DMD: variants seen among roughly 807,000 people sequenced by gnomAD.
DMD encodes dystrophin.
A neutral mutation model predicts 330.1 loss-of-function variants in DMD; 63 were observed. The ratio of observed to expected loss-of-function variants is 0.19; its 90% CI spans 0.16 to 0.24. The LOEUF is 0.24. DMD is among the 10% of genes least tolerant of loss of function. DMD has a pLI of 1.00. For missense variants in DMD, 3,344 were observed against 2,684.1 expected, an observed-to-expected ratio of 1.25 and a Z score of -5.43; for synonymous variants, 1,223 against 959.8, an observed-to-expected ratio of 1.27 and a Z score of -5.07.
At chrX:31,938,304 C>T (rs1055659445) in intron 45 of DMD, among the ~76,000 whole-genome samples, 3 of 111,455 alleles carry the variant, frequency 2.7e-5, no homozygotes, top group African/African-American at 9.8e-5. Context: ...ATCACATACC[C>T]AAAGGTGACT....
chrX:31,375,497 G>A (rs2059839764), intron 60 of DMD, among the ~76,000 whole-genome samples: 1 of 111,424 alleles, frequency 9.0e-6, no homozygotes, highest in African/African-American at 3.3e-5. Context: ...GTTATTGAGA[G>A]TTGTGCTGGG....
At chrX:32,588,393 T>C (rs535936083) in intron 13 of DMD, among the ~76,000 whole-genome samples, 1 of 111,850 alleles carries the variant, frequency 8.9e-6, no homozygotes, top group African/African-American at 3.3e-5. Flanking sequence ...GCAGATCTTA[T>C]GAAGCAGAGT....
chrX:31,242,262 CAAAAAAAAAAA>C (rs72176984), intron 63 of DMD, among the ~76,000 whole-genome samples: 2,876 of 24,557 alleles, frequency 0.12, 122 homozygotes, highest in African/African-American at 0.27. Flanking sequence ...TCTCAAAAAG[CAAAAAAAAAAA>C]AAAAAAAAAA....
At position 33,010,023 on chromosome X, in the gene DMD, T is replaced by C. The variant is rs1258998874; in HGVS notation, c.93+10116A>G. 1.3e-4 allele frequency among the ~76,000 whole-genome samples: 6 copies of C among 45,047 alleles called. 1 individual carries two copies. Among genetic ancestry groups the C allele is most frequent in the South Asian group, 1.1e-3 (1 of 950 alleles). 39.1% of individuals were successfully genotyped at this position (45,047 alleles called of 115,157 possible). ...GTATGTATGTGTATATACACATATG[T>C]GTGTACATGTGTATATACACATGTG... is the stretch of plus-strand genomic sequence containing the variant. On this transcript the variant is annotated intron_variant, in intron 2 of 78. Transcript: ENST00000357033.
chrX:32,194,438 T>G (rs769045897), intron 44 of DMD, among the ~76,000 whole-genome samples: 2 of 112,279 alleles, frequency 1.8e-5, no homozygotes, highest in African/African-American at 6.5e-5. Context: ...TTCATGTAAA[T>G]ACCCATATTT....
rs753948280 is a variant in DMD, at chrX:32,614,201, T to C, written c.1482+102A>G. 20 of 872,607 alleles carry C rather than the reference T, an allele frequency of 2.3e-5. No homozygotes were observed. The African/African-American group carries it at 4.1e-4, about 18-fold the overall frequency. The allele number at this position is 872,607 out of a possible 1,213,427, so 71.9% of individuals were successfully genotyped here. ...TTTAAAATATGGCTGACTTTAAGTT[T>C]TAATTCTCTCCCATCAACCATGTCA... On this transcript the variant is annotated intron_variant, in intron 12 of 78. Coordinates refer to ENST00000357033, the MANE Select transcript of DMD (RefSeq NM_004006.3).
chrX:31,991,160 A>G (rs2095547536), intron 44 of DMD, among the ~76,000 whole-genome samples: 1 of 111,884 alleles, frequency 8.9e-6, no homozygotes, highest in Non-Finnish European at 1.9e-5. Context: ...CAGGCATTGA[A>G]TATCAGGAAG....
intron 1 of DMD, among the ~76,000 whole-genome samples, chrX:33,271,893 A>AT (rs964999392): frequency 2.7e-5 from 3 of 109,324 alleles, no homozygotes; most frequent in South Asian, 3.9e-4. Flanking sequence ...TTTCATTTTT[A>AT]TTTTTTTTGA....
chrX:32,599,073 TA>T (rs1242272843), intron 12 of DMD, among the ~76,000 whole-genome samples: 2 of 112,164 alleles, frequency 1.8e-5, no homozygotes, highest in African/African-American at 6.5e-5. Context: ...GGAATTAAAC[TA>T]AAAAAGGTTA....
At chrX:32,954,803 T>G (rs925163486) in intron 2 of DMD, among the ~76,000 whole-genome samples, 2 of 111,608 alleles carry the variant, frequency 1.8e-5, no homozygotes, top group Non-Finnish European at 3.8e-5. Context: ...TTTGATTTTC[T>G]GTTACTGTAT....
At chrX:33,282,411 C>A (rs1356044400) in intron 1 of DMD, among the ~76,000 whole-genome samples, 1 of 111,107 alleles carries the variant, frequency 9.0e-6, no homozygotes, top group African/African-American at 3.3e-5. Flanking sequence ...TATCTCTGTA[C>A]AATAGAGGGC....
At chrX:32,742,634 G>C (rs191406562) in intron 7 of DMD, among the ~76,000 whole-genome samples, 61 of 111,662 alleles carry the variant, frequency 5.5e-4, no homozygotes, top group Middle Eastern at 4.2e-3. Context: ...TGGGACAAAA[G>C]AATCAGGAAT....
chrX:33,067,783 T>G (rs772519779), intron 1 of DMD, among the ~76,000 whole-genome samples: 1 of 109,846 alleles, frequency 9.1e-6, no homozygotes, highest in Non-Finnish European at 1.9e-5. Context: ...AGGTGGAGGT[T>G]GCAGTGAGCC....
intron 2 of DMD, among the ~76,000 whole-genome samples, chrX:32,923,561 AAAAAAC>A (rs1393282143): frequency 7.2e-5 from 8 of 111,032 alleles, no homozygotes; most frequent in Non-Finnish European, 1.1e-4. Flanking sequence ...GATCTTAAAA[AAAAAAC>A]AAAAACAAAA....
chrX:32,253,577 G>T (rs1316816040), intron 43 of DMD, among the ~76,000 whole-genome samples: 2 of 108,140 alleles, frequency 1.8e-5, no homozygotes, highest in Non-Finnish European at 3.8e-5. Context: ...TGCTTTAATT[G>T]TACTTAGGGA....
chrX:31,449,055 C>T (rs963107961), intron 59 of DMD, among the ~76,000 whole-genome samples: 1 of 111,832 alleles, frequency 8.9e-6, no homozygotes, highest in African/African-American at 3.3e-5. Context: ...GGAATTTTGA[C>T]TTGACAGTTA....
At chrX:32,983,466 G>A (rs1274524523) in intron 2 of DMD, among the ~76,000 whole-genome samples, 1 of 107,242 alleles carries the variant, frequency 9.3e-6, no homozygotes, top group East Asian at 2.9e-4. Context: ...CTAAAAGGGG[G>A]ATTGGAGGTG....
intron 41 of DMD, among the ~76,000 whole-genome samples, chrX:32,311,591 T>A (rs1392890812): frequency 9.0e-6 from 1 of 111,723 alleles, no homozygotes; most frequent in Non-Finnish European, 1.9e-5. Flanking sequence ...TTTGTTTTAT[T>A]GTGTATATCT....
chrX:33,105,680 C>T (rs1476745913), intron 1 of DMD, among the ~76,000 whole-genome samples: 1 of 111,923 alleles, frequency 8.9e-6, no homozygotes, highest in East Asian at 2.8e-4. Context: ...AAATACTTAA[C>T]ATCACTAATC....
Sources: allele counts gnomAD v4.1 joint callset (sites outside exome capture counted in the v4.1 genomes callset), GRCh38; gene constraint gnomAD v4.1.1; transcripts MANE v1.5; gene names NCBI Gene and HGNC (gene_info 2026-07-23, HGNC 2026-07-21).